The following AKAP7 variants were observed in gnomAD, a reference collection of about 807,000 sequenced individuals.
The protein encoded by AKAP7 is A-kinase anchoring protein 7.
A neutral mutation model predicts 39.5 loss-of-function variants in AKAP7; 39 were observed. The observed-to-expected ratio is 0.99, with a 90% CI of 0.76 to 1.29. The LOEUF (loss-of-function observed/expected upper bound fraction) is 1.29. Ranked by LOEUF, AKAP7 falls within the 50% of genes most tolerant of loss-of-function variation. AKAP7 has a pLI of 0.00. For synonymous variants in AKAP7, 140 were observed against 139.1 expected, an observed-to-expected ratio of 1.01 and a Z score of -0.05; for missense variants, 414 against 407.7, an observed-to-expected ratio of 1.02 and a Z score of -0.13.
chr6:131,137,994 C>T (rs1800717938), intron 1 of AKAP7, among the ~76,000 whole-genome samples: 1 of 151,882 alleles, frequency 6.6e-6, no homozygotes, highest in African/African-American at 2.4e-5. Flanking sequence ...TCATTGCATT[C>T]TTCATAGTCA....
intron 7 of AKAP7, among the ~76,000 whole-genome samples, chr6:131,279,525 C>T (rs1299817401): frequency 6.6e-6 from 1 of 152,162 alleles, no homozygotes; most frequent in African/African-American, 2.4e-5. Context: ...CCTCAGCCTC[C>T]CAAAGTGTTG....
chr6:131,257,233 C>T (rs1248783669), intron 7 of AKAP7, among the ~76,000 whole-genome samples: 1 of 151,970 alleles, frequency 6.6e-6, no homozygotes, highest in Non-Finnish European at 1.5e-5. Flanking sequence ...AAGAAGTCAG[C>T]TTGAGCTTGG....
intron 6 of AKAP7, 21 bp from the exon 7 acceptor site, chr6:131,219,640 G>C (rs1430273848): frequency 6.3e-7 from 1 of 1,577,604 alleles, no homozygotes; most frequent in East Asian, 2.3e-5. Context: ...TTGATTGATT[G>C]ATTTGTTTTT....
At chr6:131,232,066 G>A (rs76303106) in intron 7 of AKAP7, among the ~76,000 whole-genome samples, 51 of 152,188 alleles carry the variant, frequency 3.4e-4, no homozygotes, top group African/African-American at 6.3e-4. Context: ...CTGTTAATCC[G>A]GATGCTAACA....
At chr6:131,189,205 A>T (rs1430415755) in intron 5 of AKAP7, among the ~76,000 whole-genome samples, 1 of 152,224 alleles carries the variant, frequency 6.6e-6, no homozygotes, top group Non-Finnish European at 1.5e-5. Flanking sequence ...AAAAGACCAA[A>T]ATTCAAAATT....
chr6:131,143,627 G>T (rs1801224821), intron 1 of AKAP7, among the ~76,000 whole-genome samples: 1 of 151,926 alleles, frequency 6.6e-6, no homozygotes, highest in South Asian at 2.1e-4. Context: ...TACAACAGGG[G>T]TGTGTGTGTG....
rs547508225 is a variant in AKAP7 at position 131,267,850 on chromosome 6, A to G, written c.851-13680A>G. On this transcript the variant is annotated intron_variant, in intron 7 of 7. Coordinates refer to ENST00000431975, the MANE Select transcript of AKAP7 (RefSeq NM_016377.4). ...ACATCTTTCCTTGAGAGCGTTCATG[A>G]TCTCTTATTTATTTAATGTGTTTCT... Among the ~76,000 whole-genome samples the G allele has an allele frequency of 3.5e-3, 537 of 152,206 alleles. 3 individuals carry two copies. The highest frequency in any genetic ancestry group is 6.5e-3 in the Non-Finnish European group (442 of 68,014).
intron 6 of AKAP7, among the ~76,000 whole-genome samples, chr6:131,215,203 C>G: frequency 6.6e-6 from 1 of 152,166 alleles, no homozygotes; most frequent in East Asian, 1.9e-4. Flanking sequence ...CCGCTGGAAA[C>G]TAACTGACAG....
At position 131,165,153 on chromosome 6, in the gene AKAP7, A is replaced by G. The variant is rs1170328586; in HGVS notation, c.364A>G (p.Ser122Gly). ...TGAGCGACTGGCCAAAGCAATGGTCAGTGATGGTTCCTTTCATATTACCCT... is the reference window on the plus strand; with the variant it reads ...TGAGCGACTGGCCAAAGCAATGGTCGGTGATGGTTCCTTTCATATTACCCT... ...QDERLAKAMV[S>G]DGSFHITLLV... The change falls in exon 4 of 8, where the codon AGT (serine) becomes GGT (glycine). Residue 122 changes from serine to glycine, a missense_variant. Transcript: ENST00000431975. The G allele has an allele frequency of 9.3e-6, 15 of 1,611,802 alleles. No individual in the cohort carries two copies. Among genetic ancestry groups the G allele is most frequent in the Non-Finnish European group, 2.5e-6 (3 of 1,178,284 alleles).
At position 131,282,940 on chromosome 6, in the gene AKAP7, A is replaced by G; in HGVS notation, c.*1214A>G. 5.4e-6 allele frequency: 1 copy of G among 184,794 alleles called. No individual in the cohort carries two copies. The highest frequency in any genetic ancestry group is 1.1e-5 in the Non-Finnish European group (1 of 88,528). The allele number at this position is 184,794 out of a possible 1,614,324, so 11.4% of individuals were successfully genotyped here. A position where few individuals can be genotyped will look rare whatever the true frequency, so the allele number is the denominator to read the frequency against. On this transcript the variant is annotated 3_prime_UTR_variant, in exon 8 of 8. Transcript: ENST00000431975. ...TCACAAACAGAATAAAACAGAGCCA[A>G]CAACAGTATTTTAAGGGTCACTTGC...
chr6:131,217,449 T>C (rs1809287303), intron 6 of AKAP7, among the ~76,000 whole-genome samples: 1 of 152,176 alleles, frequency 6.6e-6, no homozygotes, highest in South Asian at 2.1e-4. Flanking sequence ...TTGTGATATA[T>C]ATCAGACAAT....
Position 131,199,515 on chromosome 6 carries a change from G to C in AKAP7, c.644G>C (p.Ser215Thr). ...EKGILVGESRSFKPHLTFMKL... is the reference protein window; with the variant it reads ...EKGILVGESRTFKPHLTFMKL... ...GGCATCCTGGTAGGAGAGAGCAGAA[G>C]TTTTAAACCTCATTTGACCTTCATG... is the stretch of plus-strand genomic sequence containing the variant. The change falls in exon 6 of 8, where the codon AGT becomes ACT. Residue 215 changes from serine to threonine, a missense_variant. Transcript: ENST00000431975. The C allele has an allele frequency of 6.2e-7, 1 of 1,610,992 alleles. No individual in the cohort carries two copies. The highest frequency in any genetic ancestry group is 1.7e-5 in the Admixed American group (1 of 59,878).
At position 131,203,248 on chromosome 6, in the gene AKAP7, T is replaced by C. The variant is rs116094743; in HGVS notation, c.702+3675T>C. On this transcript the variant is annotated intron_variant, in intron 6 of 7. Transcript: ENST00000431975. ...AAAATATATGGTTCCTTAGTCTCAGTCTTAACGTTTTTACATTTCCAGCTA... is the reference window on the plus strand; with the variant it reads ...AAAATATATGGTTCCTTAGTCTCAGCCTTAACGTTTTTACATTTCCAGCTA... Among the ~76,000 whole-genome samples, 414 of 152,292 alleles carry C rather than the reference T, an allele frequency of 2.7e-3. 1 individual carries two copies. The highest frequency in any genetic ancestry group is 9.5e-3 in the African/African-American group (396 of 41,574).
At chr6:131,235,910 T>G (rs1811014569) in intron 7 of AKAP7, among the ~76,000 whole-genome samples, 1 of 152,220 alleles carries the variant, frequency 6.6e-6, no homozygotes, top group African/African-American at 2.4e-5. Context: ...GCTCTTTAAT[T>G]AGATCCCATT....
At chr6:131,250,138 G>T in intron 7 of AKAP7, 2 of 981,874 alleles carry the variant, frequency 2.0e-6, no homozygotes, top group Non-Finnish European at 2.4e-6. Flanking sequence ...GGTTTTTTTG[G>T]GGGTTTGAAT....
chr6:131,246,206 A>G lies in AKAP7; in HGVS notation c.850+26398A>G, dbSNP rs376330925. Reference sequence around the variant, plus strand: ...GAATTATCTTTTTCCATTAGAGACAATAATCAGAGCTGACAGTTAAAGTAC... The same window carrying G: ...GAATTATCTTTTTCCATTAGAGACAGTAATCAGAGCTGACAGTTAAAGTAC... On this transcript the variant is annotated intron_variant, in intron 7 of 7. Transcript: ENST00000431975. Among the ~76,000 whole-genome samples, 43 of 152,134 alleles carry G rather than the reference A, an allele frequency of 2.8e-4. No individual in the cohort carries two copies. The East Asian group carries it at 7.0e-3, about 25-fold the overall frequency.
intron 2 of AKAP7, among the ~76,000 whole-genome samples, chr6:131,150,805 G>A (rs556832747): frequency 8.5e-5 from 13 of 152,260 alleles, no homozygotes; most frequent in African/African-American, 2.6e-4. Context: ...CATAATAATG[G>A]TAGCTGTCTC....
chr6:131,197,529 C>T (rs1340430007), intron 5 of AKAP7, among the ~76,000 whole-genome samples: 1 of 152,198 alleles, frequency 6.6e-6, no homozygotes, highest in African/African-American at 2.4e-5. Flanking sequence ...AGTTGCCCCA[C>T]AGCTTACTGA....
chr6:131,155,876 A>T (rs554506677), intron 2 of AKAP7, among the ~76,000 whole-genome samples: 2 of 152,346 alleles, frequency 1.3e-5, no homozygotes, highest in East Asian at 3.9e-4. Context: ...AGATCTTCTC[A>T]TATGACCCTA....
Sources: allele counts gnomAD v4.1 joint callset (sites outside exome capture counted in the v4.1 genomes callset), GRCh38; gene constraint gnomAD v4.1.1; transcripts MANE v1.5; gene names NCBI Gene and HGNC (gene_info 2026-07-23, HGNC 2026-07-21).